Variants in COL23A1 observed in about 807,000 individuals in gnomAD.
COL23A1 encodes collagen type XXIII alpha 1 chain.
A neutral mutation model predicts 99.3 loss-of-function variants in COL23A1; 97 were observed. The observed-to-expected ratio is 0.98, with a 90% CI of 0.83 to 1.16. The LOEUF is 1.16. COL23A1 is among the 50% of genes most tolerant of loss of function. The pLI, the probability that COL23A1 is intolerant of heterozygous loss-of-function variation, is 0.00. For synonymous variants in COL23A1, 320 were observed against 308.2 expected (o/e 1.04, Z -0.40); for missense variants, 762 against 757.4 (o/e 1.01, Z -0.07).
rs1295510386 is a variant in COL23A1, at chr5:178,468,071, G to T, written c.361+92611C>A. Among the ~76,000 whole-genome samples the T allele has an allele frequency of 6.6e-6, 1 of 152,174 alleles. No homozygotes were observed. Among genetic ancestry groups the T allele is most frequent in the Admixed American group, 6.5e-5 (1 of 15,290 alleles). ...CGCATCACCTAACAGCCTCTGGGGC[G>T]GTGTGTTCCTTATGTTGGGAGTGGT... is the stretch of plus-strand genomic sequence containing the variant. On this transcript the variant is annotated intron_variant, in intron 2 of 28. Coordinates refer to ENST00000390654, the MANE Select transcript of COL23A1 (RefSeq NM_173465.4). This position sits in a 1 kb window ranked among gnomAD's most constrained non-coding sequence, Gnocchi z 4.2.
rs1766247584 is a variant in COL23A1, at chr5:178,431,244, G to T, written c.362-124325C>A. Reference sequence around the variant, plus strand: ...CTTGGGGTTGCAAAACTCAGGAACTGCCCTCCTGTCACACGCAGGGTGTGT... The same window carrying T: ...CTTGGGGTTGCAAAACTCAGGAACTTCCCTCCTGTCACACGCAGGGTGTGT... On this transcript the variant is annotated intron_variant, in intron 2 of 28. Transcript: ENST00000390654. 2.0e-5 allele frequency among the ~76,000 whole-genome samples: 3 copies of T among 152,270 alleles called. No individual in the cohort carries two copies. In the South Asian group the frequency reaches 6.2e-4, roughly 32 times the overall value.
chr5:178,417,365 C>T (rs1390313398), intron 2 of COL23A1, among the ~76,000 whole-genome samples: 1 of 152,224 alleles, frequency 6.6e-6, no homozygotes, highest in African/African-American at 2.4e-5. Context: ...AGACTGACGC[C>T]AAGAAGTCCT....
At chr5:178,341,909 T>G (rs563200890) in intron 2 of COL23A1, among the ~76,000 whole-genome samples, 18 of 152,256 alleles carry the variant, frequency 1.2e-4, no homozygotes, top group Non-Finnish European at 1.8e-4. Context: ...ACATGCCACC[T>G]TCTCATGGAA....
At chr5:178,499,308 A>G (rs1758399391) in intron 2 of COL23A1, among the ~76,000 whole-genome samples, 1 of 152,128 alleles carries the variant, frequency 6.6e-6, no homozygotes, top group Non-Finnish European at 1.5e-5. Context: ...GAAAAGGAGG[A>G]GAAGGGAGGG....
intron 2 of COL23A1, among the ~76,000 whole-genome samples, chr5:178,447,367 A>G (rs1767220205): frequency 6.6e-6 from 1 of 152,028 alleles, no homozygotes; most frequent in Non-Finnish European, 1.5e-5. Flanking sequence ...GTGCCCAACC[A>G]CCTTTATTCT....
At position 178,465,214 on chromosome 5, in the gene COL23A1, C is replaced by G. The variant is rs1030424906; in HGVS notation, c.361+95468G>C. Among the ~76,000 whole-genome samples, 22 of 152,266 alleles carry G rather than the reference C, an allele frequency of 1.4e-4. 1 individual carries two copies. In the East Asian group the frequency reaches 2.7e-3, roughly 19 times the overall value. ...CATCAGAAAACAGGGGTCGGCCTTC[C>G]AGTTGTTAATCAGAACGCTGACAGG... On this transcript the variant is annotated intron_variant, in intron 2 of 28. Coordinates refer to ENST00000390654, the MANE Select transcript of COL23A1 (RefSeq NM_173465.4).
At chr5:178,437,315 C>T (rs1159367330) in intron 2 of COL23A1, among the ~76,000 whole-genome samples, 1 of 152,122 alleles carries the variant, frequency 6.6e-6, no homozygotes, top group Non-Finnish European at 1.5e-5. Context: ...CGCTGTGACC[C>T]TAAAGTAATT....
At chr5:178,457,876 G>A (rs887532681) in intron 2 of COL23A1, among the ~76,000 whole-genome samples, 2 of 152,220 alleles carry the variant, frequency 1.3e-5, no homozygotes, top group East Asian at 1.9e-4. Flanking sequence ...CACTTAAGAT[G>A]CATTTTATCT....
intron 2 of COL23A1, among the ~76,000 whole-genome samples, chr5:178,389,173 C>T (rs1763828841): frequency 6.6e-6 from 1 of 152,174 alleles, no homozygotes. Flanking sequence ...ACCTGGCTGT[C>T]ACGCTCCCGT....
rs1055992145 is a variant in COL23A1 at position 178,524,676 on chromosome 5, C to T, written c.361+36006G>A. 2.0e-5 allele frequency among the ~76,000 whole-genome samples: 3 copies of T among 152,216 alleles called. No homozygotes were observed. In the South Asian group the frequency reaches 6.2e-4, roughly 31 times the overall value. ...CTGCAGACCTGGCCAACTTCCAGGC[C>T]ACGCTGACCCGAGGCAGGGCTGGCT... On this transcript the variant is annotated intron_variant, in intron 2 of 28. Coordinates refer to ENST00000390654, the MANE Select transcript of COL23A1 (RefSeq NM_173465.4).
chr5:178,343,712 G>A (rs1760803102), intron 2 of COL23A1, among the ~76,000 whole-genome samples: 1 of 151,230 alleles, frequency 6.6e-6, no homozygotes, highest in African/African-American at 2.4e-5. Context: ...GCCCAGGCTG[G>A]AGCGCAGTGG....
At chr5:178,577,642 C>T (rs1356750420) in intron 1 of COL23A1, among the ~76,000 whole-genome samples, 2 of 152,208 alleles carry the variant, frequency 1.3e-5, no homozygotes, top group Non-Finnish European at 2.9e-5. Flanking sequence ...GTCTCTGTAC[C>T]AGCCCAGACC....
chr5:178,493,391 AGGAAACAGGTAG>A (rs1053991771), intron 2 of COL23A1, among the ~76,000 whole-genome samples: 94 of 152,358 alleles, frequency 6.2e-4, no homozygotes, highest in African/African-American at 2.2e-3. Flanking sequence ...ATTCCAATGT[AGGAAACAGGTAG>A]GGTCAAGGGT....
chr5:178,478,042 G>C (rs1246638392), intron 2 of COL23A1, among the ~76,000 whole-genome samples: 3 of 152,204 alleles, frequency 2.0e-5, no homozygotes, highest in African/African-American at 2.4e-5. Context: ...TGGGATTCTA[G>C]CCTCGGAGAG....
chr5:178,411,959 T>C (rs1765078600), intron 2 of COL23A1, among the ~76,000 whole-genome samples: 1 of 152,260 alleles, frequency 6.6e-6, no homozygotes, highest in Non-Finnish European at 1.5e-5. Context: ...GGCATCATTT[T>C]AAGGGCAATG....
intron 2 of COL23A1, among the ~76,000 whole-genome samples, chr5:178,347,880 A>C (rs4634365): frequency 0.59 from 74,429 of 125,948 alleles, 19,388 homozygotes; most frequent in East Asian, 0.8. Context: ...ACTCTGTCTC[A>C]AAAAAAAAAA....
chr5:178,269,366 C>CCCGTCCAT (rs1756105743), intron 6 of COL23A1, among the ~76,000 whole-genome samples: 1 of 26,410 alleles, frequency 3.8e-5, no homozygotes, highest in Non-Finnish European at 9.5e-5. Flanking sequence ...CACCCATCCA[C>CCCGTCCAT]CCACCCATCT....
chr5:178,390,678 T>C (rs1015175796), intron 2 of COL23A1, among the ~76,000 whole-genome samples: 1 of 152,180 alleles, frequency 6.6e-6, no homozygotes, highest in Admixed American at 6.5e-5. Flanking sequence ...GACCATTCCA[T>C]GGGGAAAAAC....
chr5:178,281,163 G>A lies in COL23A1; in HGVS notation c.441+7161C>T, dbSNP rs1756877693. Among the ~76,000 whole-genome samples, 1 of 152,176 alleles carries A rather than the reference G, an allele frequency of 6.6e-6. No individual in the cohort carries two copies. The highest frequency in any genetic ancestry group is 1.5e-5 in the Non-Finnish European group (1 of 68,034). ...TGGGGATTGTGGGGTGGCACTGTAG[G>A]GGTCAGACGGAAATGAGATGGAGGA... On this transcript the variant is annotated intron_variant, in intron 5 of 28. Transcript: ENST00000390654. This position sits in a 1 kb window ranked among gnomAD's most constrained non-coding sequence, Gnocchi z 4.0.
Sources: gnomAD v4.1 joint callset for allele counts (sites outside exome capture counted in the v4.1 genomes callset) on GRCh38, gnomAD v4.1.1 for gene constraint, Gnocchi (gnomAD v3.1) non-coding constraint, MANE v1.5 for transcripts, NCBI Gene and HGNC (gene_info 2026-07-23, HGNC 2026-07-21) for gene names.